MYT1L: variants seen among roughly 807,000 people sequenced by gnomAD.
MYT1L encodes the protein myelin transcription factor 1 like, also known as myelin transcription factor 1-like protein.
Under a neutral mutation model 126.7 loss-of-function variants are expected in MYT1L, and 12 were observed. That is an observed-to-expected ratio of 0.09 (90% confidence interval 0.06 to 0.15). MYT1L has a LOEUF of 0.15. Ranked by LOEUF, MYT1L falls within the 10% of genes least tolerant of loss-of-function variation. The pLI is 1.00. For synonymous variants in MYT1L, 541 were observed against 604.2 expected (o/e 0.90, Z 1.53); for missense variants, 979 against 1,585.2 (o/e 0.62, Z 6.49).
At chr2:1,830,117 A>G (rs1212619992) in intron 21 of MYT1L, among the ~76,000 whole-genome samples, 1 of 152,176 alleles carries the variant, frequency 6.6e-6, no homozygotes, top group Non-Finnish European at 1.5e-5. Flanking sequence ...GAGAAGGGAC[A>G]GTGTCTGCAG....
Position 1,979,532 on chromosome 2 carries a change from T to A in MYT1L, c.78A>T (p.Gln26His). Residue 26 changes from glutamine (Q) to histidine (H), a missense_variant, in exon 7 of 25, where the codon CAA (glutamine) becomes CAT (histidine). Physicochemically the swap from Gln to His is conservative, Grantham distance 24 (BLOSUM62 0). Transcript: ENST00000647738. The surrounding 1 kb of genome is among the most constrained non-coding windows in gnomAD (Gnocchi z 4.0). ...CACATGGCACTAACCTGAACAGCTC[T>A]TGTATGGCTGGTTCCACGGGAACTG... Reference protein sequence around the residue: ...GVRVPVEPAIQELFSCPTPGC... With the variant: ...GVRVPVEPAIHELFSCPTPGC... The A allele has an allele frequency of 6.2e-7, 1 of 1,613,842 alleles. No individual in the cohort carries two copies. The highest frequency in any genetic ancestry group is 8.5e-7 in the Non-Finnish European group (1 of 1,179,734).
chr2:2,254,172 G>A (rs1265016077), intron 2 of MYT1L, among the ~76,000 whole-genome samples: 2 of 152,166 alleles, frequency 1.3e-5, no homozygotes, highest in African/African-American at 4.8e-5. Context: ...ATAAGGTTTT[G>A]CATAAGAGTT....
chr2:2,268,392 A>G (rs1010731266), intron 2 of MYT1L, among the ~76,000 whole-genome samples: 3 of 152,244 alleles, frequency 2.0e-5, no homozygotes, highest in Non-Finnish European at 4.4e-5. Flanking sequence ...GAAGACATGT[A>G]AAGTGCAAAA....
At chr2:2,160,100 A>C (rs1375847603) in intron 3 of MYT1L, among the ~76,000 whole-genome samples, 1 of 152,070 alleles carries the variant, frequency 6.6e-6, no homozygotes, top group Admixed American at 6.5e-5. Flanking sequence ...GAGAAGTTTA[A>C]CGAGGTAATA....
chr2:2,039,632 C>T (rs1281124851), intron 4 of MYT1L, among the ~76,000 whole-genome samples: 2 of 152,194 alleles, frequency 1.3e-5, no homozygotes, highest in Non-Finnish European at 2.9e-5. Flanking sequence ...ACAGGTTCTC[C>T]ACCCATCAAC....
At chr2:2,098,415 C>T (rs2150447281) in intron 3 of MYT1L, among the ~76,000 whole-genome samples, 1 of 152,314 alleles carries the variant, frequency 6.6e-6, no homozygotes, top group East Asian at 1.9e-4. Flanking sequence ...ACTGTATGTT[C>T]AACAAACTAA....
intron 2 of MYT1L, among the ~76,000 whole-genome samples, chr2:2,251,927 GAAGAA>G (rs1446355473): frequency 1.3e-5 from 2 of 151,098 alleles, no homozygotes; most frequent in African/African-American, 2.4e-5. Flanking sequence ...AAGAAAGAAA[GAAGAA>G]AAGAAAAGAA....
chr2:1,809,173 G>T lies in MYT1L; in HGVS notation c.3081-6C>A, dbSNP rs1279740471. On this transcript the variant is annotated splice_region_variant and splice_polypyrimidine_tract_variant and intron_variant, in intron 21 of 24. Coordinates refer to ENST00000647738, the MANE Select transcript of MYT1L (RefSeq NM_001303052.2). ...CTCTCGGGCATCCTGACAAGCTGTG[G>T]ACAAGACACAGGACGGCCATTAGTC... 1 of 1,613,754 alleles carries T rather than the reference G, an allele frequency of 6.2e-7. No individual in the cohort carries two copies. The highest frequency in any genetic ancestry group is 1.1e-5 in the South Asian group (1 of 91,072).
At chr2:1,918,708 T>C (rs1418787806) in intron 10 of MYT1L, among the ~76,000 whole-genome samples, 1 of 152,234 alleles carries the variant, frequency 6.6e-6, no homozygotes, top group Non-Finnish European at 1.5e-5. Context: ...CTGGAAACTC[T>C]TAAGCCAGCA....
intron 1 of MYT1L, among the ~76,000 whole-genome samples, chr2:2,319,967 A>C (rs1045438038): frequency 6.6e-6 from 1 of 152,150 alleles, no homozygotes; most frequent in Non-Finnish European, 1.5e-5. Flanking sequence ...TTTTCTCTTC[A>C]GCATTGACTT....
chr2:2,234,963 C>T (rs1008175965), intron 2 of MYT1L, among the ~76,000 whole-genome samples: 1 of 152,208 alleles, frequency 6.6e-6, no homozygotes, highest in Non-Finnish European at 1.5e-5. Flanking sequence ...TCCTTTCCCT[C>T]TCTGCTGGCT....
At chr2:2,276,972 T>C (rs971308359) in intron 2 of MYT1L, among the ~76,000 whole-genome samples, 16 of 91,774 alleles carry the variant, frequency 1.7e-4, no homozygotes, top group African/African-American at 6.9e-4. Context: ...TTCCGATTGA[T>C]TCTTTTTTTT....
At chr2:1,802,173 G>A (rs1009724733) in intron 22 of MYT1L, among the ~76,000 whole-genome samples, 3 of 152,050 alleles carry the variant, frequency 2.0e-5, no homozygotes, top group Non-Finnish European at 4.4e-5. Flanking sequence ...TCTCTCTCTC[G>A]ACTCGCTGTC....
chr2:1,829,019 C>T (rs2039747325), intron 21 of MYT1L, among the ~76,000 whole-genome samples: 1 of 152,146 alleles, frequency 6.6e-6, no homozygotes, highest in South Asian at 2.1e-4. Context: ...GGGCACTGCA[C>T]ATGAGAGAGA....
At chr2:2,275,777 C>T (rs943703217) in intron 2 of MYT1L, among the ~76,000 whole-genome samples, 8 of 152,158 alleles carry the variant, frequency 5.3e-5, no homozygotes, top group East Asian at 1.9e-4. Context: ...GGGTTGATGT[C>T]TTCCCAGCCT....
At chr2:2,328,609 A>C (rs1221691638) in intron 1 of MYT1L, among the ~76,000 whole-genome samples, 1 of 152,216 alleles carries the variant, frequency 6.6e-6, no homozygotes, top group African/African-American at 2.4e-5. Flanking sequence ...AGAGAAGTTG[A>C]AATTTGTGTG....
chr2:2,031,627 A>G (rs2066271859), intron 4 of MYT1L, among the ~76,000 whole-genome samples: 1 of 141,158 alleles, frequency 7.1e-6, no homozygotes, highest in Non-Finnish European at 1.5e-5. Context: ...CAGATTCTAG[A>G]AGGAGGGCCT....
chr2:1,910,417 G>T lies in MYT1L; in HGVS notation c.1710-70C>A. On this transcript the variant is annotated intron_variant, in intron 12 of 24. Coordinates refer to ENST00000647738, the MANE Select transcript of MYT1L (RefSeq NM_001303052.2). The surrounding 1 kb of genome is among the most constrained non-coding windows in gnomAD (Gnocchi z 4.8). ...TTCACAGCACACTAATCCTCCCTTA[G>T]CACCAAGACCCTGATGCAGGTGGAG... 1 of 1,392,912 alleles carries T rather than the reference G, an allele frequency of 7.2e-7. No homozygotes were observed. The highest frequency in any genetic ancestry group is 1.0e-6 in the Non-Finnish European group (1 of 997,274). The allele number at this position is 1,392,912 out of a possible 1,614,324, so 86.3% of individuals were successfully genotyped here.
chr2:1,854,558 T>C (rs2043672201), intron 18 of MYT1L, among the ~76,000 whole-genome samples: 1 of 152,230 alleles, frequency 6.6e-6, no homozygotes, highest in African/African-American at 2.4e-5. Flanking sequence ...AAAAAAGTTT[T>C]TAAAATGTCC....
Sources: allele counts gnomAD v4.1 joint callset (sites outside exome capture counted in the v4.1 genomes callset), GRCh38; gene constraint gnomAD v4.1.1; non-coding constraint Gnocchi (gnomAD v3.1); transcripts MANE v1.5; gene names NCBI Gene and HGNC (gene_info 2026-07-23, HGNC 2026-07-21).